The following ITPRIP variants were observed in gnomAD, a reference collection of about 807,000 sequenced individuals.
ITPRIP encodes the protein inositol 1,4,5-trisphosphate receptor interacting protein.
ITPRIP carries 32 observed loss-of-function variants against 35.8 expected under a neutral mutation model. The observed-to-expected ratio is 0.89, with a 90% CI of 0.68 to 1.20. ITPRIP has a LOEUF of 1.20. Among genes scored for constraint, ITPRIP ranks in the 50% most tolerant of loss-of-function variants. ITPRIP has a pLI of 0.00. For missense variants in ITPRIP, 653 were observed against 735.6 expected (o/e 0.89, Z 1.30); for synonymous variants, 358 against 324.0 (o/e 1.11, Z -1.13).
chr10:104,325,754 G>A (rs112532115), intron 1 of ITPRIP, among the ~76,000 whole-genome samples: 10 of 152,186 alleles, frequency 6.6e-5, no homozygotes, highest in African/African-American at 2.2e-4. Context: ...GCAGAGGCTC[G>A]CCTAAGCAAA....
intron 1 of ITPRIP, among the ~76,000 whole-genome samples, chr10:104,318,268 G>A (rs1262371351): frequency 1.3e-5 from 2 of 152,184 alleles, no homozygotes; most frequent in East Asian, 1.9e-4. Flanking sequence ...AACTAACTGC[G>A]AGGCTGGGTG....
At position 104,315,230 on chromosome 10, in the gene ITPRIP, G is replaced by A; in HGVS notation, c.822C>T (p.Asn274=). The A allele has an allele frequency of 6.2e-7, 1 of 1,613,584 alleles. No individual in the cohort carries two copies. The highest frequency in any genetic ancestry group is 8.5e-7 in the Non-Finnish European group (1 of 1,179,732). ...TGTCGCCGCAGGGAGGCGCCATGCT[G>A]TTCCTGCCGTGCAGGAGACACAGCA... The part of the protein sequence containing the change: ...EDMLCLLHGR[N]SMAPPCGDME... The change falls in exon 2 of 2, where the codon AAC becomes AAT. Residue 274 remains asparagine, a synonymous_variant. Coordinates refer to ENST00000337478, the MANE Select transcript of ITPRIP (RefSeq NM_001272013.2). This position sits in a 1 kb window ranked among gnomAD's most constrained non-coding sequence, Gnocchi z 5.7.
At chr10:104,335,356 G>T (rs2014215546) in intron 1 of ITPRIP, among the ~76,000 whole-genome samples, 1 of 152,202 alleles carries the variant, frequency 6.6e-6, no homozygotes, top group Non-Finnish European at 1.5e-5. Flanking sequence ...AGAGACCACA[G>T]ATGGGGATTA....
At position 104,315,089 on chromosome 10, in the gene ITPRIP, G is replaced by A. The variant is rs770920051; in HGVS notation, c.963C>T (p.Phe321=). 6.2e-6 allele frequency: 10 copies of A among 1,614,066 alleles called. No homozygotes were observed. The African/African-American group carries it at 6.7e-5, about 11-fold the overall frequency. The change falls in exon 2 of 2, where the codon TTC becomes TTT. Residue 321 remains phenylalanine, a synonymous_variant. Coordinates refer to ENST00000337478, the MANE Select transcript of ITPRIP (RefSeq NM_001272013.2). This position sits in a 1 kb window ranked among gnomAD's most constrained non-coding sequence, Gnocchi z 5.7. The part of the protein sequence containing the change: ...AWKGIAHKYE[F]DLAFGQLDSP... ...TGTCCAGCTGGCCAAAGGCCAGGTCGAACTCGTACTTGTGGGCGATGCCCT... is the reference window on the plus strand; with the variant it reads ...TGTCCAGCTGGCCAAAGGCCAGGTCAAACTCGTACTTGTGGGCGATGCCCT...
intron 1 of ITPRIP, among the ~76,000 whole-genome samples, chr10:104,319,130 C>T (rs1170787294): frequency 6.6e-6 from 1 of 152,262 alleles, no homozygotes; most frequent in Non-Finnish European, 1.5e-5. Context: ...ACCCAGCAGA[C>T]CTGTGTTCTA....
chr10:104,316,197 T>C lies in ITPRIP; in HGVS notation c.-13-133A>G, dbSNP rs2013682935. ...CCCACCCAACCCATCGAGAGCTCCC[T>C]GCGGCTGCCTCAGGAGCTTCAGTCC... On this transcript the variant is annotated intron_variant, in intron 1 of 1. Coordinates refer to ENST00000337478, the MANE Select transcript of ITPRIP (RefSeq NM_001272013.2). 5.4e-6 allele frequency: 4 copies of C among 741,274 alleles called. No homozygotes were observed. In the East Asian group the frequency reaches 1.1e-4, roughly 21 times the overall value. 45.9% of individuals were successfully genotyped at this position (741,274 alleles called of 1,614,324 possible). A position where few individuals can be genotyped will look rare whatever the true frequency, so the allele number is the denominator to read the frequency against.
At chr10:104,316,587 G>T (rs1444680520) in intron 1 of ITPRIP, among the ~76,000 whole-genome samples, 1 of 152,082 alleles carries the variant, frequency 6.6e-6, no homozygotes, top group East Asian at 1.9e-4. Context: ...ACCTGCAGTG[G>T]GCTCTCGGGA....
chr10:104,337,153 T>TA (rs2014253370), intron 1 of ITPRIP, among the ~76,000 whole-genome samples: 1 of 152,222 alleles, frequency 6.6e-6, no homozygotes, highest in African/African-American at 2.4e-5. Flanking sequence ...ACTTTTCTGA[T>TA]ACTCTATTTT....
chr10:104,337,172 AC>A (rs1237311643), intron 1 of ITPRIP, among the ~76,000 whole-genome samples: 1 of 152,332 alleles, frequency 6.6e-6, no homozygotes, highest in East Asian at 1.9e-4. Context: ...TTCAGGGCTC[AC>A]CTGGGCCTAA....
In ITPRIP at chr10:104,315,685, G is replaced by A; in HGVS notation, c.367C>T (p.Leu123=). The change falls in exon 2 of 2, where the codon CTG becomes TTG. Residue 123 remains leucine, a synonymous_variant. Transcript: ENST00000337478. The surrounding 1 kb of genome is among the most constrained non-coding windows in gnomAD (Gnocchi z 5.7). Reference sequence around the variant, plus strand: ...AAGGGGGCGCCCCCCAGCCCAGGCAGCTCATCCTCCTCACCGCCCAGGCAC... The same window carrying A: ...AAGGGGGCGCCCCCCAGCCCAGGCAACTCATCCTCCTCACCGCCCAGGCAC... ...PECLGGEEDE[L]PGLGGAPLQG... The A allele has an allele frequency of 6.2e-7, 1 of 1,613,226 alleles. No homozygotes were observed. The highest frequency in any genetic ancestry group is 8.5e-7 in the Non-Finnish European group (1 of 1,179,964).
At chr10:104,317,545 A>G (rs900259034) in intron 1 of ITPRIP, among the ~76,000 whole-genome samples, 1 of 152,178 alleles carries the variant, frequency 6.6e-6, no homozygotes, top group Non-Finnish European at 1.5e-5. Context: ...GGACTTAACA[A>G]TCTGCTATTT....
intron 1 of ITPRIP, among the ~76,000 whole-genome samples, chr10:104,335,412 T>C (rs1336492063): frequency 6.6e-6 from 1 of 152,130 alleles, no homozygotes; most frequent in Non-Finnish European, 1.5e-5. Context: ...TTCCACTCGC[T>C]CTCTGCCTAG....
Position 104,313,399 on chromosome 10 carries a change from C to G in ITPRIP, c.*1009G>C, listed in dbSNP as rs531469511. 1.0e-6 allele frequency: 1 copy of G among 986,184 alleles called. No homozygotes were observed. The highest frequency in any genetic ancestry group is 4.7e-5 in the South Asian group (1 of 21,392). 61.1% of individuals were successfully genotyped at this position (986,184 alleles called of 1,614,324 possible). A position where few individuals can be genotyped will look rare whatever the true frequency, so the allele number is the denominator to read the frequency against. ...GGCCAGAAGAGGTTGAGAGGCTTGG[C>G]TCTGCGCACAGCCTCTGGGAGTGCC... On this transcript the variant is annotated 3_prime_UTR_variant, in exon 2 of 2. Coordinates refer to ENST00000337478, the MANE Select transcript of ITPRIP (RefSeq NM_001272013.2).
chr10:104,324,812 C>T (rs2013949122), intron 1 of ITPRIP, among the ~76,000 whole-genome samples: 1 of 152,216 alleles, frequency 6.6e-6, no homozygotes, highest in African/African-American at 2.4e-5. Context: ...ACATTCTGTG[C>T]ACCCAGAATG....
intron 1 of ITPRIP, among the ~76,000 whole-genome samples, chr10:104,330,678 T>G (rs1034599549): frequency 1.3e-5 from 2 of 152,274 alleles, no homozygotes; most frequent in Non-Finnish European, 2.9e-5. Flanking sequence ...GAGGGTTTAA[T>G]GAATTACAAC....
chr10:104,330,393 C>T (rs1312412753), intron 1 of ITPRIP, among the ~76,000 whole-genome samples: 2 of 152,216 alleles, frequency 1.3e-5, no homozygotes, highest in East Asian at 1.9e-4. Flanking sequence ...CCCTTCCAGA[C>T]GTAGCCCTGG....
intron 1 of ITPRIP, among the ~76,000 whole-genome samples, chr10:104,336,347 G>A (rs775863935): frequency 6.6e-6 from 1 of 152,042 alleles, no homozygotes; most frequent in Non-Finnish European, 1.5e-5. Flanking sequence ...AACACTTGGA[G>A]CACCCACCCC....
At position 104,315,308 on chromosome 10, in the gene ITPRIP, G is replaced by A. The variant is rs1391114229; in HGVS notation, c.744C>T (p.Ala248=). 9 of 1,580,216 alleles carry A rather than the reference G, an allele frequency of 5.7e-6. No homozygotes were observed. The highest frequency in any genetic ancestry group is 1.7e-5 in the Admixed American group (1 of 57,808). ...QGYGQIKVVR[A]DGDTLSCICG... is the part of the protein sequence containing the mutation. ...AGATGCAGCTCAATGTGTCCCCATC[G>A]GCGCGGACCACCTTGATCTGGCCGT... The change falls in exon 2 of 2, where the codon GCC becomes GCT. Residue 248 remains alanine, a synonymous_variant. Transcript: ENST00000337478. The surrounding 1 kb of genome is among the most constrained non-coding windows in gnomAD (Gnocchi z 5.7).
chr10:104,328,200 T>C lies in ITPRIP; in HGVS notation c.-14+10046A>G, dbSNP rs1320830687. Reference sequence around the variant, plus strand: ...CTCCAGGATTCCCATCTCCGGTTTCTATGCGTGAATCACAGTGACAGCAAT... The same window carrying C: ...CTCCAGGATTCCCATCTCCGGTTTCCATGCGTGAATCACAGTGACAGCAAT... On this transcript the variant is annotated intron_variant, in intron 1 of 1. Transcript: ENST00000337478. The surrounding 1 kb of genome is among the most constrained non-coding windows in gnomAD (Gnocchi z 4.1). The C allele has an allele frequency of 1.5e-5, 15 of 984,472 alleles. No homozygotes were observed. The highest frequency in any genetic ancestry group is 1.8e-5 in the Non-Finnish European group (15 of 829,162). 61.0% of individuals were successfully genotyped at this position (984,472 alleles called of 1,614,324 possible). A position where few individuals can be genotyped will look rare whatever the true frequency, so the allele number is the denominator to read the frequency against.
Sources: gnomAD v4.1 joint callset for allele counts (sites outside exome capture counted in the v4.1 genomes callset) on GRCh38, gnomAD v4.1.1 for gene constraint, Gnocchi (gnomAD v3.1) non-coding constraint, MANE v1.5 for transcripts, NCBI Gene and HGNC (gene_info 2026-07-23, HGNC 2026-07-21) for gene names.